Variants in PDSS1 observed in about 807,000 individuals in gnomAD.
The protein encoded by PDSS1 is all trans-polyprenyl-diphosphate synthase PDSS1.
PDSS1 carries 43 observed loss-of-function variants against 57.5 expected under a neutral mutation model. The observed-to-expected ratio is 0.75, with a 90% CI of 0.59 to 0.96. PDSS1 has a LOEUF of 0.96. Ranked by LOEUF, PDSS1 falls within the 50% of genes least tolerant of loss-of-function variation. The pLI, the probability that PDSS1 is intolerant of heterozygous loss-of-function variation, is 0.00. For missense variants in PDSS1, 438 were observed against 527.8 expected, an observed-to-expected ratio of 0.83 and a Z score of 1.67; for synonymous variants, 175 against 191.3, an observed-to-expected ratio of 0.91 and a Z score of 0.70.
intron 4 of PDSS1, among the ~76,000 whole-genome samples, chr10:26,708,482 T>C (rs1292194234): frequency 5.3e-5 from 8 of 152,242 alleles, no homozygotes; most frequent in African/African-American, 7.2e-5. Flanking sequence ...ATGTATTTAA[T>C]GTACAGCATT....
chr10:26,740,326 G>A lies in PDSS1; in HGVS notation c.1027-2171G>A, dbSNP rs375637969. Among the ~76,000 whole-genome samples, 12 of 152,000 alleles carry A rather than the reference G, an allele frequency of 7.9e-5. No homozygotes were observed. In the East Asian group the frequency reaches 1.5e-3, roughly 20 times the overall value. On this transcript the variant is annotated intron_variant, in intron 10 of 11. Transcript: ENST00000376215. ...CTCATAACAAAACTAAAACCTACTT[G>A]ATTTGGCTTTTTTACCGTAGAAGTT...
rs1440116860 is a variant in PDSS1, at chr10:26,746,602, G to A, written c.*129G>A. ...TTAAAAGATATCAAACTTATTGATGGGCAATTTATTTTTTTTTATTGCAAA... is the reference window on the plus strand; with the variant it reads ...TTAAAAGATATCAAACTTATTGATGAGCAATTTATTTTTTTTTATTGCAAA... On this transcript the variant is annotated 3_prime_UTR_variant, in exon 12 of 12. Coordinates refer to ENST00000376215, the MANE Select transcript of PDSS1 (RefSeq NM_014317.5). 2 of 1,005,656 alleles carry A rather than the reference G, an allele frequency of 2.0e-6. No individual in the cohort carries two copies. The highest frequency in any genetic ancestry group is 3.0e-6 in the Non-Finnish European group (2 of 673,994). The allele number at this position is 1,005,656 out of a possible 1,614,324, so 62.3% of individuals were successfully genotyped here.
chr10:26,725,055 G>A lies in PDSS1; in HGVS notation c.831+932G>A, dbSNP rs555824077. On this transcript the variant is annotated intron_variant, in intron 8 of 11. Coordinates refer to ENST00000376215, the MANE Select transcript of PDSS1 (RefSeq NM_014317.5). ...TTTTAATGAGTAATACCTTTAATCCGTAGACAAATGTGTGGTATTCATCGT... is the reference window on the plus strand; with the variant it reads ...TTTTAATGAGTAATACCTTTAATCCATAGACAAATGTGTGGTATTCATCGT... Among the ~76,000 whole-genome samples, 17 of 151,424 alleles carry A rather than the reference G, an allele frequency of 1.1e-4. No individual in the cohort carries two copies. In the South Asian group the frequency reaches 2.5e-3, roughly 22 times the overall value.
intron 5 of PDSS1, chr10:26,717,664 A>G (rs778654675): frequency 6.6e-6 from 1 of 152,200 alleles, no homozygotes; most frequent in Non-Finnish European, 1.5e-5. Flanking sequence ...TTTCATTGCA[A>G]CTTCTCAGCA....
intron 1 of PDSS1, among the ~76,000 whole-genome samples, chr10:26,700,020 C>T (rs1834996933): frequency 6.6e-6 from 1 of 152,146 alleles, no homozygotes; most frequent in Admixed American, 6.5e-5. Flanking sequence ...ATAATTAAGC[C>T]ACGTCTTGCT....
rs1325539657 is a variant in PDSS1, at chr10:26,746,362, C to T, written c.1137C>T (p.Leu379=). The T allele has an allele frequency of 6.8e-6, 11 of 1,613,964 alleles. No individual in the cohort carries two copies. Among genetic ancestry groups the T allele is most frequent in the African/African-American group, 1.3e-5 (1 of 74,930 alleles). The change falls in exon 12 of 12, where the codon CTC becomes CTT. Residue 379 remains leucine (L), a synonymous_variant. Coordinates refer to ENST00000376215, the MANE Select transcript of PDSS1 (RefSeq NM_014317.5). ...ATGGTGTGCAACAAACAACCTACCTCGCCCAGCAGTACTGCCATGAAGCAA... is the reference window on the plus strand; with the variant it reads ...ATGGTGTGCAACAAACAACCTACCTTGCCCAGCAGTACTGCCATGAAGCAA... ...QSDGVQQTTY[L]AQQYCHEAIR...
intron 5 of PDSS1, among the ~76,000 whole-genome samples, chr10:26,712,082 A>G (rs1310194030): frequency 2.3e-5 from 2 of 88,366 alleles, no homozygotes; most frequent in Non-Finnish European, 5.1e-5. Flanking sequence ...GCTCACTGCA[A>G]CTTCCACCTC....
intron 2 of PDSS1, among the ~76,000 whole-genome samples, chr10:26,704,178 C>A (rs113836884): frequency 0.015 from 2,256 of 150,512 alleles, 47 homozygotes; most frequent in African/African-American, 0.052. Context: ...AACAAAACAC[C>A]CCCACAATCC....
At chr10:26,742,161 G>A (rs1165816407) in intron 10 of PDSS1, among the ~76,000 whole-genome samples, 1 of 152,226 alleles carries the variant, frequency 6.6e-6, no homozygotes, top group African/African-American at 2.4e-5. Context: ...ACAGGCGTGT[G>A]CCACCACGCC....
chr10:26,724,456 C>T (rs1332889799), intron 8 of PDSS1, among the ~76,000 whole-genome samples: 1 of 152,218 alleles, frequency 6.6e-6, no homozygotes, highest in East Asian at 1.9e-4. Flanking sequence ...ATATCACACA[C>T]ACTCTTTCTG....
At chr10:26,721,059 A>G (rs987282402) in intron 6 of PDSS1, among the ~76,000 whole-genome samples, 1 of 152,122 alleles carries the variant, frequency 6.6e-6, no homozygotes, top group Non-Finnish European at 1.5e-5. Flanking sequence ...TAATCCCAGC[A>G]CTTTGGGAGG....
In PDSS1 at chr10:26,723,884, A is replaced by G; in HGVS notation, c.688A>G (p.Ile230Val). 1.2e-6 allele frequency: 2 copies of G among 1,612,480 alleles called. No individual in the cohort carries two copies. The highest frequency in any genetic ancestry group is 1.1e-5 in the South Asian group (1 of 91,036). Residue 230 changes from isoleucine (I) to valine (V), a missense_variant, in exon 7 of 12, where the codon ATT becomes GTT. Physicochemically the swap from Ile to Val is conservative, Grantham distance 29. This residue lies in a region of PDSS1 where 284 missense variants were observed against 390.7 expected (regional missense o/e 0.73). Transcript: ENST00000376215. ...AATTGGAAATACAACTGTTATATCT[A>G]TTTTAACCCAAGTTATTGAAGATTT... ...ARIGNTTVIS[I>V]LTQVIEDLVR... is the part of the protein sequence containing the mutation.
At chr10:26,740,014 C>T (rs1046707000) in intron 10 of PDSS1, among the ~76,000 whole-genome samples, 14 of 152,002 alleles carry the variant, frequency 9.2e-5, no homozygotes, top group African/African-American at 2.9e-4. Flanking sequence ...TGGTGGCTTG[C>T]GCCTGTAGTC....
chr10:26,743,192 CT>C (rs1472719790), intron 11 of PDSS1, among the ~76,000 whole-genome samples: 1 of 152,338 alleles, frequency 6.6e-6, no homozygotes, highest in East Asian at 1.9e-4. Context: ...TGCCACGTAT[CT>C]TCAGAACTTT....
In PDSS1 at chr10:26,705,278, T is replaced by C. The variant is rs773005346; in HGVS notation, c.228-8T>C. 4.6e-6 allele frequency: 7 copies of C among 1,523,224 alleles called. No individual in the cohort carries two copies. The highest frequency in any genetic ancestry group is 3.3e-5 in the Admixed American group (2 of 59,898). 94.4% of individuals were successfully genotyped at this position (1,523,224 alleles called of 1,614,324 possible). A position where few individuals can be genotyped will look rare whatever the true frequency, so the allele number is the denominator to read the frequency against. On this transcript the variant is annotated splice_region_variant and splice_polypyrimidine_tract_variant and intron_variant, in intron 3 of 11. Coordinates refer to ENST00000376215, the MANE Select transcript of PDSS1 (RefSeq NM_014317.5). ...AAATGAAGTCATGTGCATTTTTGCA[T>C]GTCCCAGGTTTCATCACACAACCCC...
At chr10:26,737,431 C>G (rs969640133) in intron 10 of PDSS1, among the ~76,000 whole-genome samples, 2 of 152,056 alleles carry the variant, frequency 1.3e-5, no homozygotes, top group Admixed American at 6.6e-5. Context: ...TGTCAGTAAT[C>G]TACAAGAGAC....
intron 8 of PDSS1, among the ~76,000 whole-genome samples, chr10:26,731,874 C>G (rs1341998251): frequency 6.6e-6 from 1 of 152,192 alleles, no homozygotes; most frequent in African/African-American, 2.4e-5. Flanking sequence ...TCACTGCAAC[C>G]TCCGCCTCCC....
rs1485256924 is a variant in PDSS1, at chr10:26,713,075, G to A, written c.467+3307G>A. On this transcript the variant is annotated intron_variant, in intron 5 of 11. Transcript: ENST00000376215. Reference sequence around the variant, plus strand: ...TGGGAGGCTGAGGCAGGCGGGTCACGAGGTCAGGAGATCAAGACCATCCTG... The same window carrying A: ...TGGGAGGCTGAGGCAGGCGGGTCACAAGGTCAGGAGATCAAGACCATCCTG... Among the ~76,000 whole-genome samples the A allele has an allele frequency of 4.2e-5, 4 of 95,690 alleles. 1 individual carries two copies. The highest frequency in any genetic ancestry group is 2.8e-4 in the South Asian group (1 of 3,630). The allele number at this position is 95,690 out of a possible 152,430, so 62.8% of individuals were successfully genotyped here.
chr10:26,718,465 T>C (rs1835672624), intron 5 of PDSS1, among the ~76,000 whole-genome samples: 1 of 152,030 alleles, frequency 6.6e-6, no homozygotes, highest in African/African-American at 2.4e-5. Context: ...AACTGAAATA[T>C]TAATAAAGAA....
Sources: gnomAD v4.1 joint callset for allele counts (sites outside exome capture counted in the v4.1 genomes callset) on GRCh38, gnomAD v4.1.1 for gene constraint, gnomAD v4.1.1 regional missense constraint, MANE v1.5 for transcripts, NCBI Gene and HGNC (gene_info 2026-07-23, HGNC 2026-07-21) for gene names.